The following IL10RA variants were observed in gnomAD, a reference collection of about 807,000 sequenced individuals.
The protein encoded by IL10RA is interleukin-10 receptor subunit alpha.
In IL10RA, 18 loss-of-function variants were observed where a neutral mutation model predicts 29.6. The ratio of observed to expected loss-of-function variants is 0.61; its 90% CI spans 0.42 to 0.90. The LOEUF is 0.90. Ranked by LOEUF, IL10RA falls within the 40% of genes least tolerant of loss-of-function variation. The pLI is 0.00. For synonymous variants in IL10RA, 292 were observed against 294.1 expected, an observed-to-expected ratio of 0.99 and a Z score of 0.07; for missense variants, 634 against 716.6, an observed-to-expected ratio of 0.88 and a Z score of 1.32.
At chr11:117,997,288 C>G (rs1403448235) in intron 6 of IL10RA, among the ~76,000 whole-genome samples, 1 of 152,160 alleles carries the variant, frequency 6.6e-6, no homozygotes, top group Non-Finnish European at 1.5e-5. Flanking sequence ...TATTGAGCAC[C>G]TTCTATGTAC....
rs1476260448 is a variant in IL10RA, at chr11:118,001,162, G to A, written c.*1521G>A. The A allele has an allele frequency of 6.6e-6, 3 of 454,190 alleles. No individual in the cohort carries two copies. In the Admixed American group the frequency reaches 7.0e-5, roughly 11 times the overall value. 28.1% of individuals were successfully genotyped at this position (454,190 alleles called of 1,614,324 possible). A position where few individuals can be genotyped will look rare whatever the true frequency, so the allele number is the denominator to read the frequency against. On this transcript the variant is annotated 3_prime_UTR_variant, in exon 7 of 7. Transcript: ENST00000227752. ...GCAGGCTTGAGGGAGGATTCCTCAG[G>A]GTTCCCTTGAAAGCTTTATTTATTT...
rs778719886 is a variant in IL10RA at position 117,998,784 on chromosome 11, C to G, written c.880C>G (p.His294Asp). The G allele has an allele frequency of 1.9e-6, 3 of 1,614,208 alleles. No individual in the cohort carries two copies. The East Asian group carries it at 6.7e-5, about 36-fold the overall frequency. The change falls in exon 7 of 7, where the codon CAC (histidine) becomes GAC (aspartate). Residue 294 changes from histidine to aspartate, a missense_variant. Physicochemically the swap from His to Asp is moderately conservative, Grantham distance 81. Coordinates refer to ENST00000227752, the MANE Select transcript of IL10RA (RefSeq NM_001558.4). Reference sequence around the variant, plus strand: ...CTCCCCAGAGACCCAAGACACCATCCACCCGCTTGATGAGGAGGCCTTTTT... The same window carrying G: ...CTCCCCAGAGACCCAAGACACCATCGACCCGCTTGATGAGGAGGCCTTTTT... Reference protein sequence around the residue: ...RPSPETQDTIHPLDEEAFLKV... With the variant: ...RPSPETQDTIDPLDEEAFLKV...
At chr11:117,986,889 A>G in intron 1 of IL10RA, 1 of 1,285,472 alleles carries the variant, frequency 7.8e-7, no homozygotes, top group Non-Finnish European at 1.0e-6. Flanking sequence ...AATAATTTTG[A>G]TCTCCTGACT....
chr11:117,986,600 C>T (rs1489674502), intron 1 of IL10RA, 66 bp downstream of exon 1: 1 of 1,546,400 alleles, frequency 6.5e-7, no homozygotes, highest in Non-Finnish European at 8.7e-7. Flanking sequence ...TAAAGTTCTC[C>T]ATCCAGTGGA....
chr11:117,987,984 G>A (rs1232788800), intron 1 of IL10RA: 2 of 297,202 alleles, frequency 6.7e-6, no homozygotes, highest in African/African-American at 2.2e-5. Context: ...AAGCCAGGGT[G>A]GGGATCAGGT....
chr11:117,994,663 G>A (rs1162583724), intron 5 of IL10RA, among the ~76,000 whole-genome samples: 3 of 152,216 alleles, frequency 2.0e-5, no homozygotes, highest in Admixed American at 6.5e-5. Context: ...TGGAGGCCAC[G>A]GTCTTGCCTA....
intron 6 of IL10RA, among the ~76,000 whole-genome samples, chr11:117,996,779 C>T (rs1375699087): frequency 6.6e-6 from 1 of 152,186 alleles, no homozygotes; most frequent in East Asian, 1.9e-4. Context: ...TTAGTAGAGA[C>T]GGGGTGTTGA....
At chr11:117,997,877 G>A (rs1308769854) in intron 6 of IL10RA, among the ~76,000 whole-genome samples, 1 of 152,190 alleles carries the variant, frequency 6.6e-6, no homozygotes, top group African/African-American at 2.4e-5. Flanking sequence ...TGACATCTGA[G>A]CTGAGACCTA....
chr11:117,997,983 G>A, intron 6 of IL10RA, among the ~76,000 whole-genome samples: 1 of 152,158 alleles, frequency 6.6e-6, no homozygotes, highest in Non-Finnish European at 1.5e-5. Flanking sequence ...GGTGCTTGAT[G>A]TGTTCTGGGA....
intron 6 of IL10RA, 129 bp downstream of exon 6, chr11:117,995,839 A>T (rs2058052469): frequency 5.2e-6 from 5 of 963,824 alleles, no homozygotes; most frequent in Non-Finnish European, 8.0e-6. Flanking sequence ...CCCTGATGTG[A>T]TTGGGAGATA....
chr11:117,996,021 G>A (rs1369930582), intron 6 of IL10RA, among the ~76,000 whole-genome samples: 1 of 152,172 alleles, frequency 6.6e-6, no homozygotes, highest in Non-Finnish European at 1.5e-5. Flanking sequence ...CCTGTGCATT[G>A]CATCTCTGAT....
At chr11:117,996,791 C>T (rs184148198) in intron 6 of IL10RA, among the ~76,000 whole-genome samples, 144 of 152,302 alleles carry the variant, frequency 9.5e-4, no homozygotes, top group African/African-American at 3.0e-3. Flanking sequence ...GGGTGTTGAC[C>T]AGGCTGGTCT....
intron 3 of IL10RA, among the ~76,000 whole-genome samples, chr11:117,991,058 G>A (rs955270119): frequency 1.3e-5 from 2 of 152,016 alleles, no homozygotes; most frequent in Non-Finnish European, 2.9e-5. Flanking sequence ...TTAGCCGGGC[G>A]TGGTGGCGTG....
intron 5 of IL10RA, 176 bp downstream of exon 5, chr11:117,994,325 C>G: frequency 1.6e-6 from 1 of 610,872 alleles, no homozygotes; most frequent in Non-Finnish European, 2.9e-6. Context: ...GATGAGGGAA[C>G]TGAGGCTCAG....
In IL10RA at chr11:118,001,113, C is replaced by T. The variant is rs986385328; in HGVS notation, c.*1472C>T. On this transcript the variant is annotated 3_prime_UTR_variant, in exon 7 of 7. Transcript: ENST00000227752. Reference sequence around the variant, plus strand: ...TGCCAAAGTACTCTTAGGTGCCAGTCTGGTAACTGAACTCCCTCTGGAGGC... The same window carrying T: ...TGCCAAAGTACTCTTAGGTGCCAGTTTGGTAACTGAACTCCCTCTGGAGGC... 1 of 454,284 alleles carries T rather than the reference C, an allele frequency of 2.2e-6. No individual in the cohort carries two copies. Among genetic ancestry groups the T allele is most frequent in the Middle Eastern group, 6.9e-4 (1 of 1,444 alleles). 28.1% of individuals were successfully genotyped at this position (454,284 alleles called of 1,614,324 possible).
At position 117,998,787 on chromosome 11, in the gene IL10RA, C is replaced by G; in HGVS notation, c.883C>G (p.Pro295Ala). ...CCCAGAGACCCAAGACACCATCCACCCGCTTGATGAGGAGGCCTTTTTGAA... is the reference window on the plus strand; with the variant it reads ...CCCAGAGACCCAAGACACCATCCACGCGCTTGATGAGGAGGCCTTTTTGAA... ...PSPETQDTIH[P>A]LDEEAFLKVS... Residue 295 changes from proline to alanine, a missense_variant, in exon 7 of 7, where the codon CCG (proline) becomes GCG (alanine). Coordinates refer to ENST00000227752, the MANE Select transcript of IL10RA (RefSeq NM_001558.4). 6.2e-7 allele frequency: 1 copy of G among 1,614,154 alleles called. No individual in the cohort carries two copies. Among genetic ancestry groups the G allele is most frequent in the Non-Finnish European group, 8.5e-7 (1 of 1,180,024 alleles).
At chr11:117,992,321 A>G (rs2058028502) in intron 3 of IL10RA, among the ~76,000 whole-genome samples, 1 of 152,192 alleles carries the variant, frequency 6.6e-6, no homozygotes, top group African/African-American at 2.4e-5. Flanking sequence ...AGCGACATGC[A>G]AGGGTTTCCC....
intron 5 of IL10RA, 80 bp from the exon 6 acceptor site, chr11:117,995,509 T>G (rs1003472422): frequency 1.9e-6 from 3 of 1,585,872 alleles, no homozygotes; most frequent in Non-Finnish European, 2.6e-6. Flanking sequence ...GGCAATGGAT[T>G]TCATGGGACC....
chr11:117,991,616 A>G (rs1591262636), intron 3 of IL10RA, among the ~76,000 whole-genome samples: 1 of 152,238 alleles, frequency 6.6e-6, no homozygotes, highest in Admixed American at 6.5e-5. Context: ...ATTGAATTCT[A>G]AAAGAATTCT....
Sources: gnomAD v4.1 joint callset for allele counts (sites outside exome capture counted in the v4.1 genomes callset) on GRCh38, gnomAD v4.1.1 for gene constraint, MANE v1.5 for transcripts, NCBI Gene and HGNC (gene_info 2026-07-23, HGNC 2026-07-21) for gene names.